The following EXOC5 variants were observed in gnomAD, a reference collection of about 807,000 sequenced individuals.
The protein encoded by EXOC5 is exocyst complex component 5.
EXOC5 carries 17 observed loss-of-function variants against 90.8 expected under a neutral mutation model. The ratio of observed to expected loss-of-function variants is 0.19; its 90% CI spans 0.13 to 0.28. The LOEUF (loss-of-function observed/expected upper bound fraction) is 0.28. EXOC5 is among the 10% of genes least tolerant of loss of function. The probability of loss-of-function intolerance (pLI) is 1.00; values close to 1 mark genes in which losing one functional copy is unlikely to be tolerated. For synonymous variants in EXOC5, 260 were observed against 270.0 expected (o/e 0.96, Z 0.36); for missense variants, 569 against 830.6 (o/e 0.69, Z 3.87).
chr14:57,260,821 T>C (rs538741632), intron 1 of EXOC5, among the ~76,000 whole-genome samples: 16 of 152,310 alleles, frequency 1.1e-4, no homozygotes, highest in African/African-American at 3.8e-4. Context: ...TCCCACTCTA[T>C]TATAGTGCCT....
At position 57,202,263 on chromosome 14, in the gene EXOC5, G is replaced by A. The variant is rs900972990; in HGVS notation, c.*6346C>T. The A allele has an allele frequency of 1.3e-5, 2 of 152,154 alleles. No homozygotes were observed. Among genetic ancestry groups the A allele is most frequent in the African/African-American group, 2.4e-5 (1 of 41,444 alleles). The allele number at this position is 152,154 out of a possible 1,614,324, so 9.4% of individuals were successfully genotyped here. On this transcript the variant is annotated 3_prime_UTR_variant, in exon 18 of 18. Transcript: ENST00000621441. ...AACTGTGTCAGAATGAATGAGACTA[G>A]AGCCACTACAACCTAAAGCAATACA...
At chr14:57,209,022 T>C (rs1286550539) in intron 17 of EXOC5, among the ~76,000 whole-genome samples, 1 of 152,164 alleles carries the variant, frequency 6.6e-6, no homozygotes, top group African/African-American at 2.4e-5. Flanking sequence ...TTCTCTTCAA[T>C]AGTAACAATC....
chr14:57,201,417 AGTATATATATATACACACACACACGTGT>A lies in EXOC5; in HGVS notation c.*7164_*7191del, dbSNP rs1882494309. 7.9e-6 allele frequency: 1 copy of A among 126,496 alleles called. No individual in the cohort carries two copies. The highest frequency in any genetic ancestry group is 2.2e-4 in the South Asian group (1 of 4,574). The allele number at this position is 126,496 out of a possible 1,614,324, so 7.8% of individuals were successfully genotyped here. ...TAGTGATATCAAGAGAATTCTGATTAGTATATATATATACACACACACACGTGTGTATATATACACACGCGTGTATATG... is the reference window on the plus strand; with the variant it reads ...TAGTGATATCAAGAGAATTCTGATTAGTATATATACACACGCGTGTATATG... On this transcript the variant is annotated 3_prime_UTR_variant, in exon 18 of 18. Coordinates refer to ENST00000621441, the MANE Select transcript of EXOC5 (RefSeq NM_006544.4).
chr14:57,216,865 A>T (rs1159036924), intron 15 of EXOC5, among the ~76,000 whole-genome samples: 1 of 152,208 alleles, frequency 6.6e-6, no homozygotes, highest in Non-Finnish European at 1.5e-5. Flanking sequence ...ATATTTGTAA[A>T]CCATACATCT....
rs1184684490 is a variant in EXOC5 at position 57,268,610 on chromosome 14, G to A, written c.27+12C>T. 8 of 1,588,468 alleles carry A rather than the reference G, an allele frequency of 5.0e-6. No individual in the cohort carries two copies. The highest frequency in any genetic ancestry group is 5.1e-6 in the Non-Finnish European group (6 of 1,172,660). ...CGGGCCTGCCACTCCCTGTAGAGCCGCCGGGGCCCACCTCGAAGAGCTCGG... is the reference window on the plus strand; with the variant it reads ...CGGGCCTGCCACTCCCTGTAGAGCCACCGGGGCCCACCTCGAAGAGCTCGG... On this transcript the variant is annotated intron_variant, in intron 1 of 17. Transcript: ENST00000621441.
intron 1 of EXOC5, among the ~76,000 whole-genome samples, chr14:57,248,013 G>C (rs1455114620): frequency 2.7e-5 from 4 of 149,856 alleles, no homozygotes; most frequent in African/African-American, 9.8e-5. Context: ...GAAATAAAAT[G>C]GTCAAAAAAA....
intron 17 of EXOC5, 23 bp from the exon 18 acceptor site, chr14:57,208,820 G>GT (rs1443138234): frequency 6.7e-7 from 1 of 1,490,016 alleles, no homozygotes; most frequent in Admixed American, 1.8e-5. Context: ...AAGAAAAAAA[G>GT]TAACATTGAA....
At chr14:57,218,215 A>T in intron 14 of EXOC5, 147 bp from the exon 15 acceptor site, 1 of 482,574 alleles carries the variant, frequency 2.1e-6, no homozygotes. Context: ...TCCAAGAAGC[A>T]TATAAGAAGC....
Position 57,246,691 on chromosome 14 carries a change from T to C in EXOC5, c.270+20A>G, listed in dbSNP as rs771413561. The C allele has an allele frequency of 2.5e-6, 4 of 1,601,172 alleles. No individual in the cohort carries two copies. The highest frequency in any genetic ancestry group is 3.4e-6 in the Non-Finnish European group (4 of 1,172,916). ...TATTATAGCCTATATAAAATACCCA[T>C]TTCTTAACAAAACGTTTACCTGATT... is the stretch of plus-strand genomic sequence containing the variant. On this transcript the variant is annotated intron_variant, in intron 3 of 17. Coordinates refer to ENST00000621441, the MANE Select transcript of EXOC5 (RefSeq NM_006544.4).
At chr14:57,208,944 A>G in intron 17 of EXOC5, 147 bp from the exon 18 acceptor site, 1 of 533,318 alleles carries the variant, frequency 1.9e-6, no homozygotes. Flanking sequence ...ATCACAATGC[A>G]TTAAAACTTA....
intron 1 of EXOC5, among the ~76,000 whole-genome samples, chr14:57,250,591 T>C (rs544111078): frequency 6.6e-6 from 1 of 152,104 alleles, no homozygotes; most frequent in Non-Finnish European, 1.5e-5. Flanking sequence ...TGAGAACACA[T>C]GGGGGCTGGG....
chr14:57,234,959 A>G (rs1043226410), intron 7 of EXOC5, among the ~76,000 whole-genome samples: 2 of 152,216 alleles, frequency 1.3e-5, no homozygotes. Flanking sequence ...TATTTTAATA[A>G]AATGTGTTTA....
Position 57,237,345 on chromosome 14 carries a change from T to G in EXOC5, c.552A>C (p.Lys184Asn), listed in dbSNP as rs1883693012. 2.7e-6 allele frequency: 4 copies of G among 1,507,686 alleles called. No individual in the cohort carries two copies. In the African/African-American group the frequency reaches 5.5e-5, roughly 21 times the overall value. 93.4% of individuals were successfully genotyped at this position (1,507,686 alleles called of 1,614,324 possible). ...AATAAATACATCACTTACTTGCAAT[T>G]TTGGATTTAACTTCTGAAAATCTGA... Reference protein sequence around the residue: ...PFDRFSEVKSKIASKYHDLEC... With the variant: ...PFDRFSEVKSNIASKYHDLEC... Residue 184 changes from lysine (K) to asparagine (N), a missense_variant, in exon 6 of 18, where the codon AAA becomes AAC. Physicochemically the swap from Lys to Asn is moderately conservative, Grantham distance 94. Transcript: ENST00000621441.
intron 15 of EXOC5, among the ~76,000 whole-genome samples, chr14:57,212,041 G>T (rs1020989432): frequency 1.3e-5 from 2 of 152,070 alleles, no homozygotes; most frequent in Non-Finnish European, 2.9e-5. Flanking sequence ...TAAATTTTTT[G>T]TGTGTAGAGA....
At chr14:57,261,399 T>C (rs1338348448) in intron 1 of EXOC5, among the ~76,000 whole-genome samples, 1 of 152,220 alleles carries the variant, frequency 6.6e-6, no homozygotes, top group African/African-American at 2.4e-5. Context: ...ACTTGCTTAT[T>C]CCAAAAGTTC....
intron 1 of EXOC5, among the ~76,000 whole-genome samples, chr14:57,249,588 G>A (rs536143799): frequency 6.6e-6 from 1 of 152,070 alleles, no homozygotes; most frequent in East Asian, 1.9e-4. Flanking sequence ...ACGTGCTAGA[G>A]ACTATTCTAA....
chr14:57,205,979 G>A lies in EXOC5; in HGVS notation c.*2630C>T. 1 of 455,924 alleles carries A rather than the reference G, an allele frequency of 2.2e-6. No individual in the cohort carries two copies. Among genetic ancestry groups the A allele is most frequent in the South Asian group, 1.6e-5 (1 of 64,508 alleles). 28.2% of individuals were successfully genotyped at this position (455,924 alleles called of 1,614,324 possible). On this transcript the variant is annotated 3_prime_UTR_variant, in exon 18 of 18. Coordinates refer to ENST00000621441, the MANE Select transcript of EXOC5 (RefSeq NM_006544.4). ...TCATAAGGACACTTCATCTACTCTGGTTGACTGTCATTTTCAACATCATAA... is the reference window on the plus strand; with the variant it reads ...TCATAAGGACACTTCATCTACTCTGATTGACTGTCATTTTCAACATCATAA...
chr14:57,266,412 T>C (rs1267324264), intron 1 of EXOC5, among the ~76,000 whole-genome samples: 1 of 152,172 alleles, frequency 6.6e-6, no homozygotes, highest in Non-Finnish European at 1.5e-5. Flanking sequence ...GAGTCCACTG[T>C]AGGGCTGGAT....
At chr14:57,237,284 C>T (rs1318054254) in intron 6 of EXOC5, 54 bp downstream of exon 6, 6 of 927,892 alleles carry the variant, frequency 6.5e-6, no homozygotes, top group Non-Finnish European at 1.0e-5. Flanking sequence ...TTTATTTTTA[C>T]ACAAGTAGTT....
Sources: gnomAD v4.1 joint callset for allele counts (sites outside exome capture counted in the v4.1 genomes callset) on GRCh38, gnomAD v4.1.1 for gene constraint, MANE v1.5 for transcripts, NCBI Gene and HGNC (gene_info 2026-07-23, HGNC 2026-07-21) for gene names.